The following ITPRID2 variants were observed in gnomAD, a reference collection of about 807,000 sequenced individuals.
The protein encoded by ITPRID2 is ITPR interacting domain containing 2.
ITPRID2 carries 60 observed loss-of-function variants against 124.3 expected under a neutral mutation model. The ratio of observed to expected loss-of-function variants is 0.48; its 90% confidence interval spans 0.39 to 0.60. ITPRID2 has a LOEUF of 0.60. Among genes scored for constraint, ITPRID2 ranks in the 20% least tolerant of loss-of-function variants. The pLI, the probability that ITPRID2 is intolerant of heterozygous loss-of-function variation, is 0.00. For missense variants in ITPRID2, 1,553 were observed against 1,512.2 expected, an observed-to-expected ratio of 1.03 and a Z score of -0.45; for synonymous variants, 521 against 542.9, an observed-to-expected ratio of 0.96 and a Z score of 0.56.
In ITPRID2 at chr2:181,897,330, A is replaced by G. The variant is rs375533170; in HGVS notation, c.364+366A>G. ...GAAGCTTATTTTTAGCGCAAAATAG[A>G]CTTATGTCATACTTACAGCTGCAGC... is the stretch of plus-strand genomic sequence containing the variant. On this transcript the variant is annotated intron_variant, in intron 4 of 17. Transcript: ENST00000431877. 1.2e-4 allele frequency among the ~76,000 whole-genome samples: 18 copies of G among 152,098 alleles called. No individual in the cohort carries two copies. In the East Asian group the frequency reaches 2.3e-3, roughly 20 times the overall value.
At position 181,922,325 on chromosome 2, in the gene ITPRID2, A is replaced by G; in HGVS notation, c.3588A>G (p.Glu1196=). 6.2e-7 allele frequency: 1 copy of G among 1,614,226 alleles called. No individual in the cohort carries two copies. The highest frequency in any genetic ancestry group is 8.5e-7 in the Non-Finnish European group (1 of 1,180,036). ...EVVGPKSEVE[E]GHGKLPSMPA... ...TAGGACCTAAATCTGAAGTGGAAGA[A>G]GGGCATGGAAAACTCCCATCAATGC... Residue 1196 remains glutamate, a synonymous_variant, in exon 16 of 18, where the codon GAA becomes GAG. Coordinates refer to ENST00000431877, the MANE Select transcript of ITPRID2 (RefSeq NM_001130445.3).
intron 6 of ITPRID2, among the ~76,000 whole-genome samples, chr2:181,899,317 A>T (rs1574211051): frequency 1.3e-5 from 2 of 152,304 alleles, no homozygotes; most frequent in African/African-American, 4.8e-5. Context: ...AAAATGCAAT[A>T]AATAGGCTTA....
At position 181,909,987 on chromosome 2, in the gene ITPRID2, T is replaced by G. The variant is rs1162632592; in HGVS notation, c.1486+16T>G. 6.3e-7 allele frequency: 1 copy of G among 1,593,266 alleles called. No individual in the cohort carries two copies. The highest frequency in any genetic ancestry group is 2.2e-5 in the East Asian group (1 of 44,700). On this transcript the variant is annotated intron_variant, in intron 9 of 17. Transcript: ENST00000431877. ...TCGAAAAGAGGTAAGTGGACCAGTA[T>G]CCACTAGTTCTGAGCACATTATCAA...
In ITPRID2 at chr2:181,898,892, A is replaced by G; in HGVS notation, c.377A>G (p.His126Arg). ...LSLGAEANHLHESDAQIENCN... is the reference protein window; with the variant it reads ...LSLGAEANHLRESDAQIENCN... Reference sequence around the variant, plus strand: ...TTTTTACCTGTAGCCAACCACCTCCATGAAAGTGATGCTCAAATTGAAAAC... The same window carrying G: ...TTTTTACCTGTAGCCAACCACCTCCGTGAAAGTGATGCTCAAATTGAAAAC... Residue 126 changes from histidine (H) to arginine (R), a missense_variant, in exon 5 of 18, where the codon CAT (histidine) becomes CGT (arginine). Physicochemically the swap from His to Arg is conservative, Grantham distance 29 (BLOSUM62 0). Coordinates refer to ENST00000431877, the MANE Select transcript of ITPRID2 (RefSeq NM_001130445.3). 5 of 1,611,770 alleles carry G rather than the reference A, an allele frequency of 3.1e-6. No individual in the cohort carries two copies. Among genetic ancestry groups the G allele is most frequent in the South Asian group, 1.1e-5 (1 of 90,992 alleles).
Position 181,892,523 on chromosome 2 carries a change from T to A in ITPRID2, c.212-92T>A. On this transcript the variant is annotated intron_variant, in intron 1 of 17. Coordinates refer to ENST00000431877, the MANE Select transcript of ITPRID2 (RefSeq NM_001130445.3). This position sits in a 1 kb window ranked among gnomAD's most constrained non-coding sequence, Gnocchi z 5.2. ...CGTGTCGCTTAGGCTGCATTTGCCG[T>A]GGTAGATTTTCCTACTTGGGAGGGT... The A allele has an allele frequency of 6.7e-7, 1 of 1,491,178 alleles. No individual in the cohort carries two copies. Among genetic ancestry groups the A allele is most frequent in the South Asian group, 1.1e-5 (1 of 88,336 alleles). The allele number at this position is 1,491,178 out of a possible 1,614,324, so 92.4% of individuals were successfully genotyped here.
rs1692597804 is a variant in ITPRID2 at position 181,900,790 on chromosome 2, A to G, written c.598A>G (p.Ile200Val). The G allele has an allele frequency of 1.2e-6, 2 of 1,613,426 alleles. No homozygotes were observed. Among genetic ancestry groups the G allele is most frequent in the Middle Eastern group, 1.7e-4 (1 of 6,058 alleles). The part of the protein sequence containing the change: ...GRDEPDIASK[I>V]PSRFFNSSSF... ...TGATGAACCAGATATTGCTTCTAAA[A>G]TTCCTTCCAGATTTTTTAATTCATC... The change falls in exon 7 of 18, where the codon ATT becomes GTT. Residue 200 changes from isoleucine to valine, a missense_variant. Transcript: ENST00000431877.
At chr2:181,922,813 T>C (rs545615268) in intron 16 of ITPRID2, among the ~76,000 whole-genome samples, 35 of 152,212 alleles carry the variant, frequency 2.3e-4, no homozygotes, top group African/African-American at 6.7e-4. Context: ...TCCCAGCTAC[T>C]CGGGAGGCTG....
At position 181,913,746 on chromosome 2, in the gene ITPRID2, T is replaced by A. The variant is rs1693808570; in HGVS notation, c.1487-99T>A. ...TTGTGTATCTTATATCTGCTGGGAA[T>A]CATATCTCTGTAGTAATATTGCTCT... On this transcript the variant is annotated intron_variant, in intron 9 of 17. Transcript: ENST00000431877. 4.0e-6 allele frequency: 3 copies of A among 752,780 alleles called. No homozygotes were observed. The East Asian group carries it at 8.5e-5, about 21-fold the overall frequency. 46.6% of individuals were successfully genotyped at this position (752,780 alleles called of 1,614,324 possible).
At position 181,915,687 on chromosome 2, in the gene ITPRID2, G is replaced by T; in HGVS notation, c.2047G>T (p.Gly683Trp). 1 of 1,614,148 alleles carries T rather than the reference G, an allele frequency of 6.2e-7. No individual in the cohort carries two copies. Among genetic ancestry groups the T allele is most frequent in the Non-Finnish European group, 8.5e-7 (1 of 1,180,034 alleles). Reference protein sequence around the residue: ...CSDMSSENTTGPPSSMDRVNT... With the variant: ...CSDMSSENTTWPPSSMDRVNT... ...TGATATGAGCTCTGAAAATACAACTGGGCCTCCCTCTTCCATGGACAGAGT... is the reference window on the plus strand; with the variant it reads ...TGATATGAGCTCTGAAAATACAACTTGGCCTCCCTCTTCCATGGACAGAGT... Residue 683 changes from glycine to tryptophan, a missense_variant, in exon 11 of 18, where the codon GGG (glycine) becomes TGG (tryptophan). Coordinates refer to ENST00000431877, the MANE Select transcript of ITPRID2 (RefSeq NM_001130445.3).
In ITPRID2 at chr2:181,892,949, C is replaced by A. The variant is rs1691887153; in HGVS notation, c.257+289C>A. On this transcript the variant is annotated intron_variant, in intron 2 of 17. Coordinates refer to ENST00000431877, the MANE Select transcript of ITPRID2 (RefSeq NM_001130445.3). The surrounding 1 kb of genome is among the most constrained non-coding windows in gnomAD (Gnocchi z 5.2). Reference sequence around the variant, plus strand: ...AACAGATAATCATGCCATATTTGTTCTGTTTTTATTTGAAAGAATTCTCAC... The same window carrying A: ...AACAGATAATCATGCCATATTTGTTATGTTTTTATTTGAAAGAATTCTCAC... 3.9e-6 allele frequency: 2 copies of A among 513,862 alleles called. No individual in the cohort carries two copies. Among genetic ancestry groups the A allele is most frequent in the East Asian group, 6.0e-5 (2 of 33,072 alleles). 31.8% of individuals were successfully genotyped at this position (513,862 alleles called of 1,614,324 possible).
At chr2:181,920,542 A>C in intron 14 of ITPRID2, 55 bp from the exon 15 acceptor site, 1 of 1,200,116 alleles carries the variant, frequency 8.3e-7, no homozygotes, top group South Asian at 1.4e-5. Flanking sequence ...TTATATATGC[A>C]TGTATGTATA....
chr2:181,916,998 C>G (rs372481513), intron 11 of ITPRID2: 2 of 985,644 alleles, frequency 2.0e-6, no homozygotes. Flanking sequence ...CAGAAAATAA[C>G]AAATCAGGTA....
chr2:181,913,798 T>A, intron 9 of ITPRID2, 47 bp from the exon 10 acceptor site: 1 of 1,407,194 alleles, frequency 7.1e-7, no homozygotes. Context: ...CCACTTTTTT[T>A]ATTTATAGAT....
At position 181,910,024 on chromosome 2, in the gene ITPRID2, TTTGG is replaced by T; in HGVS notation, c.1486+54_1486+57del. 1 of 1,412,158 alleles carries T rather than the reference TTTGG, an allele frequency of 7.1e-7. No individual in the cohort carries two copies. The highest frequency in any genetic ancestry group is 1.0e-6 in the Non-Finnish European group (1 of 1,003,578). 87.5% of individuals were successfully genotyped at this position (1,412,158 alleles called of 1,614,324 possible). ...GAGCACATTATCAAATATTAGTTGATTTGGAAAAGGGGTTTTATGTATCAGTATT... is the reference window on the plus strand; with the variant it reads ...GAGCACATTATCAAATATTAGTTGATAAAAGGGGTTTTATGTATCAGTATT... On this transcript the variant is annotated intron_variant, in intron 9 of 17. Transcript: ENST00000431877. The surrounding 1 kb of genome is among the most constrained non-coding windows in gnomAD (Gnocchi z 4.1).
chr2:181,913,761 A>G, intron 9 of ITPRID2, 84 bp from the exon 10 acceptor site: 1 of 868,546 alleles, frequency 1.2e-6, no homozygotes, highest in Admixed American at 2.6e-5. Context: ...TCTCTGTAGT[A>G]ATATTGCTCT....
rs1694330756 is a variant in ITPRID2 at position 181,919,516 on chromosome 2, G to A, written c.3144+70G>A. On this transcript the variant is annotated intron_variant, in intron 14 of 17. Transcript: ENST00000431877. The surrounding 1 kb of genome is among the most constrained non-coding windows in gnomAD (Gnocchi z 4.2). ...TTATAATGTTCCAATAATTTAGGAC[G>A]TGTGCCTTCATTTCAAGTCATTTAT... The A allele has an allele frequency of 5.6e-6, 8 of 1,438,548 alleles. No homozygotes were observed. The highest frequency in any genetic ancestry group is 3.0e-5 in the South Asian group (2 of 67,466). 89.1% of individuals were successfully genotyped at this position (1,438,548 alleles called of 1,614,324 possible). A position where few individuals can be genotyped will look rare whatever the true frequency, so the allele number is the denominator to read the frequency against.
At chr2:181,923,041 C>T (rs901986739) in intron 16 of ITPRID2, among the ~76,000 whole-genome samples, 5 of 151,950 alleles carry the variant, frequency 3.3e-5, no homozygotes, top group African/African-American at 4.8e-5. Context: ...TCAAAATATA[C>T]GAAGAAAAGA....
intron 4 of ITPRID2, 144 bp from the exon 5 acceptor site, chr2:181,898,736 C>T (rs775476465): frequency 1.2e-4 from 82 of 704,006 alleles, no homozygotes; most frequent in Non-Finnish European, 1.9e-4. Flanking sequence ...TTTAATAATG[C>T]AGATTTAATG....
In ITPRID2 at chr2:181,928,236, G is replaced by A. The variant is rs1417851481; in HGVS notation, c.3751G>A (p.Ala1251Thr). The stretch of plus-strand genomic sequence containing the variant: ...TTTGGCAGCAGTATCTTCAAGTAAA[G>A]CGTCTAATTCTAAGCAAGATTATCA... ...GLLAAVSSSK[A>T]SNSKQDYH Residue 1251 changes from alanine (A) to threonine (T), a missense_variant, in exon 17 of 18, where the codon GCG becomes ACG. Ala to Thr is a moderately conservative substitution (Grantham distance 58). Transcript: ENST00000431877. 23 of 1,549,830 alleles carry A rather than the reference G, an allele frequency of 1.5e-5. No homozygotes were observed. Among genetic ancestry groups the A allele is most frequent in the Non-Finnish European group, 1.9e-5 (22 of 1,146,324 alleles).
Sources: gnomAD v4.1 joint callset for allele counts (sites outside exome capture counted in the v4.1 genomes callset) on GRCh38, gnomAD v4.1.1 for gene constraint, Gnocchi (gnomAD v3.1) non-coding constraint, MANE v1.5 for transcripts, NCBI Gene and HGNC (gene_info 2026-07-23, HGNC 2026-07-21) for gene names.